Variants in NSD1 observed in about 807,000 individuals in gnomAD.
NSD1 encodes nuclear receptor binding SET domain protein 1.
In NSD1, 26 loss-of-function variants were observed where a neutral mutation model predicts 242.7. That is an observed-to-expected ratio of 0.11 (90% CI 0.08 to 0.15). NSD1 has a LOEUF of 0.15. Among genes scored for constraint, NSD1 ranks in the 10% least tolerant of loss-of-function variants. NSD1 has a pLI of 1.00. For synonymous variants in NSD1, 1,106 were observed against 1,178.1 expected (o/e 0.94, Z 1.25); for missense variants, 2,495 against 3,272.8 (o/e 0.76, Z 5.80).
rs779916492 is a variant in NSD1 at position 177,296,904 on chromosome 5, A to G, written c.*1445A>G. 5 of 233,082 alleles carry G rather than the reference A, an allele frequency of 2.1e-5. No homozygotes were observed. The highest frequency in any genetic ancestry group is 6.6e-5 in the African/African-American group (3 of 45,286). The allele number at this position is 233,082 out of a possible 1,614,324, so 14.4% of individuals were successfully genotyped here. ...ACATGTTTACCTCTCTGCTTTGCCA[A>G]CTTAGCCAGCAGGCCATCCCCGGCC... On this transcript the variant is annotated 3_prime_UTR_variant, in exon 23 of 23. Transcript: ENST00000439151.
chr5:177,256,676 G>A (rs896586814), intron 12 of NSD1, among the ~76,000 whole-genome samples: 6 of 152,202 alleles, frequency 3.9e-5, no homozygotes, highest in Admixed American at 2.0e-4. Context: ...TAGTCCAGGG[G>A]CTTGATTAGG....
In NSD1 at chr5:177,238,606, A is replaced by G; in HGVS notation, c.4192+99A>G. On this transcript the variant is annotated intron_variant, in intron 7 of 22. Coordinates refer to ENST00000439151, the MANE Select transcript of NSD1 (RefSeq NM_022455.5). This position sits in a 1 kb window ranked among gnomAD's most constrained non-coding sequence, Gnocchi z 4.6. ...TGTAAAGCCAACATTGTATCTATAT[A>G]CAATAAACTACCCCCTTTTGTCCTG... 3 of 1,306,996 alleles carry G rather than the reference A, an allele frequency of 2.3e-6. No homozygotes were observed. Among genetic ancestry groups the G allele is most frequent in the Non-Finnish European group, 3.3e-6 (3 of 916,098 alleles). 81.0% of individuals were successfully genotyped at this position (1,306,996 alleles called of 1,614,324 possible). A position where few individuals can be genotyped will look rare whatever the true frequency, so the allele number is the denominator to read the frequency against.
chr5:177,280,845 G>T lies in NSD1; in HGVS notation c.5892+11G>T. ...ACAGATATTAAAAAGGTTAGAAAAAGCTAAATTACCATATACTTTCTCCTC... is the reference window on the plus strand; with the variant it reads ...ACAGATATTAAAAAGGTTAGAAAAATCTAAATTACCATATACTTTCTCCTC... On this transcript the variant is annotated intron_variant, in intron 18 of 22. Coordinates refer to ENST00000439151, the MANE Select transcript of NSD1 (RefSeq NM_022455.5). 1.2e-6 allele frequency: 2 copies of T among 1,614,014 alleles called. No individual in the cohort carries two copies. Among genetic ancestry groups the T allele is most frequent in the Non-Finnish European group, 1.7e-6 (2 of 1,179,954 alleles).
intron 5 of NSD1, among the ~76,000 whole-genome samples, chr5:177,213,549 G>T (rs1289492314): frequency 6.6e-6 from 1 of 152,018 alleles, no homozygotes; most frequent in South Asian, 2.1e-4. Flanking sequence ...CTCACTGCAG[G>T]CTCCGCCTCC....
At chr5:177,272,938 A>G (rs1581505510) in intron 16 of NSD1, among the ~76,000 whole-genome samples, 1 of 152,190 alleles carries the variant, frequency 6.6e-6, no homozygotes, top group Admixed American at 6.5e-5. Flanking sequence ...TCTGTGTATC[A>G]TTAGAGCTAA....
At chr5:177,235,642 G>A (rs906098528) in intron 5 of NSD1, among the ~76,000 whole-genome samples, 179 bp from the exon 6 acceptor site, 1 of 152,014 alleles carries the variant, frequency 6.6e-6, no homozygotes, top group African/African-American at 2.4e-5. Context: ...TCTCCCCCCA[G>A]CTCCTTTTGC....
At chr5:177,152,134 A>G (rs943655114) in intron 2 of NSD1, among the ~76,000 whole-genome samples, 1 of 152,116 alleles carries the variant, frequency 6.6e-6, no homozygotes, top group Non-Finnish European at 1.5e-5. Context: ...TGCTGGGATT[A>G]CAGGTGTGAG....
At chr5:177,260,275 G>C (rs1017419958) in intron 14 of NSD1, 107 bp downstream of exon 14, 2 of 924,130 alleles carry the variant, frequency 2.2e-6, no homozygotes, top group Non-Finnish European at 3.3e-6. Flanking sequence ...AAAAATATTA[G>C]AAATGATACT....
chr5:177,288,128 G>GT (rs1452168046), intron 20 of NSD1, among the ~76,000 whole-genome samples: 6 of 152,210 alleles, frequency 3.9e-5, no homozygotes, highest in Non-Finnish European at 7.3e-5. Flanking sequence ...GAGTTTGAAT[G>GT]TTTATTTCCT....
upstream of NSD1, chr5:177,133,624 A>C (rs1756019098): frequency 1.3e-5 from 2 of 149,310 alleles, no homozygotes; most frequent in South Asian, 4.2e-4. This position sits in a 1 kb window ranked among gnomAD's most constrained non-coding sequence, Gnocchi z 6.2. Flanking sequence ...ACCCGCCCTG[A>C]ACCCCGAAGA....
At chr5:177,182,431 A>T (rs774477817) in intron 2 of NSD1, among the ~76,000 whole-genome samples, 3 of 152,136 alleles carry the variant, frequency 2.0e-5, no homozygotes, top group Non-Finnish European at 2.9e-5. Context: ...TGCAGCTCAG[A>T]TGATCATTTT....
At chr5:177,239,683 GT>G (rs1255923683) in intron 7 of NSD1, 72 bp from the exon 8 acceptor site, 9 of 841,616 alleles carry the variant, frequency 1.1e-5, no homozygotes, top group Admixed American at 5.7e-5. Context: ...ATTTTGTGTG[GT>G]ATACAGATTT....
At chr5:177,218,996 G>A (rs1764022507) in intron 5 of NSD1, among the ~76,000 whole-genome samples, 1 of 151,800 alleles carries the variant, frequency 6.6e-6, no homozygotes, top group African/African-American at 2.4e-5. Flanking sequence ...ATGTTGCTCT[G>A]TAGTTTATCT....
intron 8 of NSD1, among the ~76,000 whole-genome samples, chr5:177,242,728 A>C (rs984917020): frequency 1.3e-5 from 2 of 151,810 alleles, no homozygotes; most frequent in African/African-American, 4.8e-5. Flanking sequence ...AGGGTTTCTC[A>C]ATGGTAGTCG....
chr5:177,226,644 G>A (rs369858909), intron 5 of NSD1, among the ~76,000 whole-genome samples: 15 of 152,168 alleles, frequency 9.9e-5, no homozygotes, highest in African/African-American at 1.4e-4. Context: ...TGTCTTTGGC[G>A]ATATCTCATA....
rs1762715257 is a variant in NSD1 at position 177,204,263 on chromosome 5, A to G, written c.1207A>G (p.Lys403Glu). The change falls in exon 4 of 23, where the codon AAA becomes GAA. Residue 403 changes from lysine (K) to glutamate (E), a missense_variant. Lys to Glu is a moderately conservative substitution (Grantham distance 56). Around this residue, in one of 19 missense-constraint regions of NSD1, gnomAD observed 65 missense variants for 136.2 expected, o/e 0.48. Transcript: ENST00000439151. ...GCTACCTGTCCTTAGGAGAAGAGGGAAACAGAAAGAAAAAGGATATAGGCA... is the reference window on the plus strand; with the variant it reads ...GCTACCTGTCCTTAGGAGAAGAGGGGAACAGAAAGAAAAAGGATATAGGCA... ...EELPVLRRRG[K>E]QKEKGYRHKV... 6.2e-7 allele frequency: 1 copy of G among 1,613,978 alleles called. No individual in the cohort carries two copies. The highest frequency in any genetic ancestry group is 1.1e-5 in the South Asian group (1 of 91,080).
At chr5:177,186,044 A>AAC (rs1761180066) in intron 2 of NSD1, among the ~76,000 whole-genome samples, 1 of 102,412 alleles carries the variant, frequency 9.8e-6, no homozygotes. Context: ...TTATATATAT[A>AAC]ATATATAATA....
At chr5:177,164,832 A>AC (rs1562141168) in intron 2 of NSD1, among the ~76,000 whole-genome samples, 1 of 151,772 alleles carries the variant, frequency 6.6e-6, no homozygotes, top group Non-Finnish European at 1.5e-5. Flanking sequence ...AATCCCAGCT[A>AC]CTCAGGAAGC....
chr5:177,225,601 A>C (rs1764575761), intron 5 of NSD1, among the ~76,000 whole-genome samples: 2 of 152,054 alleles, frequency 1.3e-5, no homozygotes, highest in Non-Finnish European at 2.9e-5. Flanking sequence ...CTTTATATAG[A>C]TCTACCTTTG....
Sources: allele counts gnomAD v4.1 joint callset (sites outside exome capture counted in the v4.1 genomes callset), GRCh38; gene constraint gnomAD v4.1.1; regional missense constraint gnomAD v4.1.1; non-coding constraint Gnocchi (gnomAD v3.1); transcripts MANE v1.5; gene names NCBI Gene and HGNC (gene_info 2026-07-23, HGNC 2026-07-21).